CTNNA3: variants seen among roughly 807,000 people sequenced by gnomAD.
The protein encoded by CTNNA3 is catenin alpha-3.
In CTNNA3, 76 loss-of-function variants were observed where a neutral mutation model predicts 95.7. The ratio of observed to expected loss-of-function variants is 0.79; its 90% CI spans 0.66 to 0.96. CTNNA3 has a LOEUF of 0.96. Among genes scored for constraint, CTNNA3 ranks in the 40% least tolerant of loss-of-function variants. The pLI, the probability that CTNNA3 is intolerant of heterozygous loss-of-function variation, is 0.00. For synonymous variants in CTNNA3, 431 were observed against 374.4 expected (o/e 1.15, Z -1.74); for missense variants, 1,191 against 1,089.8 (o/e 1.09, Z -1.31).
chr10:66,988,635 A>G (rs1393083114), intron 7 of CTNNA3, among the ~76,000 whole-genome samples: 1 of 152,126 alleles, frequency 6.6e-6, no homozygotes, highest in Non-Finnish European at 1.5e-5. Context: ...ATGTTATGTC[A>G]GTGCTTCTGA....
At chr10:67,098,307 A>C (rs1052806988) in intron 7 of CTNNA3, 3 of 154,060 alleles carry the variant, frequency 1.9e-5, no homozygotes, top group Admixed American at 6.5e-5. Flanking sequence ...CTTGACTCTA[A>C]AATTCTGTGC....
chr10:66,776,519 C>A (rs1478365834), intron 7 of CTNNA3, among the ~76,000 whole-genome samples: 1 of 152,170 alleles, frequency 6.6e-6, no homozygotes, highest in Non-Finnish European at 1.5e-5. Flanking sequence ...CTGCAGTGGA[C>A]TCCCTAACAA....
intron 1 of CTNNA3, among the ~76,000 whole-genome samples, chr10:67,739,965 G>C (rs905480731): frequency 3.3e-5 from 5 of 152,072 alleles, no homozygotes; most frequent in Non-Finnish European, 5.9e-5. Flanking sequence ...CAGAGATATA[G>C]ATCAATGGAA....
chr10:67,053,320 G>A (rs528382668), intron 7 of CTNNA3, among the ~76,000 whole-genome samples: 1 of 152,036 alleles, frequency 6.6e-6, no homozygotes, highest in Admixed American at 6.5e-5. Context: ...GGACATTACT[G>A]GAAAAATCTG....
At chr10:66,429,956 A>T (rs10466004) in intron 11 of CTNNA3, among the ~76,000 whole-genome samples, 51,819 of 143,068 alleles carry the variant, frequency 0.36, 9,918 homozygotes, top group African/African-American at 0.48. Flanking sequence ...AAAGAGGAAG[A>T]CAAATTGTCC....
At chr10:67,110,599 T>A (rs1486583240) in intron 7 of CTNNA3, among the ~76,000 whole-genome samples, 1 of 152,138 alleles carries the variant, frequency 6.6e-6, no homozygotes, top group East Asian at 1.9e-4. Context: ...AATACAAGCC[T>A]TAGATGATCT....
intron 2 of CTNNA3, among the ~76,000 whole-genome samples, chr10:67,610,378 G>A (rs1028801863): frequency 1.3e-5 from 2 of 152,188 alleles, no homozygotes; most frequent in African/African-American, 4.8e-5. Context: ...TAAGTTGTTT[G>A]TACCTACGTC....
At chr10:65,937,765 G>A (rs1035117543) in intron 17 of CTNNA3, among the ~76,000 whole-genome samples, 2 of 152,110 alleles carry the variant, frequency 1.3e-5, no homozygotes, top group Non-Finnish European at 2.9e-5. Context: ...GTACTTGATT[G>A]TTGGCTCACA....
intron 15 of CTNNA3, among the ~76,000 whole-genome samples, chr10:66,022,317 T>C (rs1371124368): frequency 1.3e-5 from 2 of 152,188 alleles, no homozygotes; most frequent in Admixed American, 1.3e-4. Flanking sequence ...ACAAAAGTTA[T>C]ATTTCAAAAA....
intron 5 of CTNNA3, among the ~76,000 whole-genome samples, chr10:67,488,151 G>C (rs1848518446): frequency 6.6e-6 from 1 of 152,120 alleles, no homozygotes; most frequent in Non-Finnish European, 1.5e-5. Flanking sequence ...CAGACTGTTT[G>C]GGGAGGAGAG....
chr10:67,674,777 T>G (rs963699358), intron 1 of CTNNA3, among the ~76,000 whole-genome samples: 6 of 152,144 alleles, frequency 3.9e-5, no homozygotes, highest in African/African-American at 1.4e-4. Context: ...TTCACCTGTT[T>G]TTCTCCTAGG....
chr10:66,978,534 A>AAAAAAAATAAAATAAAAATAAAAAAAAT (rs1405434933), intron 7 of CTNNA3, among the ~76,000 whole-genome samples: 1 of 93,700 alleles, frequency 1.1e-5, no homozygotes, highest in Non-Finnish European at 2.2e-5. Context: ...CTCAAAAAAA[A>AAAAAAAATAAAATAAAAATAAAAAAAAT]AAAAAAAAAA....
Position 66,516,794 on chromosome 10 carries a change from C to G in CTNNA3, c.1531+3823G>C, listed in dbSNP as rs374003113. Among the ~76,000 whole-genome samples the G allele has an allele frequency of 3.7e-4, 56 of 152,292 alleles. 1 individual carries two copies. In the South Asian group the frequency reaches 0.011, roughly 31 times the overall value. On this transcript the variant is annotated intron_variant, in intron 11 of 17. Transcript: ENST00000433211. The stretch of plus-strand genomic sequence containing the variant: ...ATGAAAATCATCTGGGAAAGACTTT[C>G]TTCTCTAAAGTTAAAGCTGCAAGCC...
chr10:67,647,359 C>G (rs1006512797), intron 2 of CTNNA3, 56 bp downstream of exon 2: 2 of 1,199,444 alleles, frequency 1.7e-6, no homozygotes, highest in Non-Finnish European at 2.4e-6. Flanking sequence ...ATTTTTCCCA[C>G]ATATTTTTCA....
chr10:67,126,234 G>C (rs1859714575), intron 7 of CTNNA3, among the ~76,000 whole-genome samples: 1 of 152,110 alleles, frequency 6.6e-6, no homozygotes, highest in Non-Finnish European at 1.5e-5. Flanking sequence ...TTATTTATAA[G>C]AATACAAAAT....
upstream of CTNNA3, among the ~76,000 whole-genome samples, chr10:67,697,838 C>T (rs1840996644): frequency 6.6e-6 from 1 of 152,142 alleles, no homozygotes; most frequent in African/African-American, 2.4e-5. Flanking sequence ...AAGAGGTCCC[C>T]TCCTAGCAAT....
chr10:67,554,786 T>G (rs1378132690), intron 3 of CTNNA3, among the ~76,000 whole-genome samples: 1 of 152,212 alleles, frequency 6.6e-6, no homozygotes, highest in South Asian at 2.1e-4. Context: ...ATTTTGGCTT[T>G]TGTTGCCATT....
intron 8 of CTNNA3, among the ~76,000 whole-genome samples, chr10:66,773,123 G>A (rs1360413118): frequency 6.6e-6 from 1 of 152,072 alleles, no homozygotes; most frequent in African/African-American, 2.4e-5. Flanking sequence ...AAGTACTAGG[G>A]GGAGGGTAAG....
intron 9 of CTNNA3, among the ~76,000 whole-genome samples, chr10:66,751,537 A>T (rs74141668): frequency 0.093 from 14,225 of 152,180 alleles, 1,176 homozygotes; most frequent in African/African-American, 0.22. Flanking sequence ...GTCCCAATAA[A>T]TGAATAGGTG....
Sources: gnomAD v4.1 joint callset for allele counts (sites outside exome capture counted in the v4.1 genomes callset) on GRCh38, gnomAD v4.1.1 for gene constraint, MANE v1.5 for transcripts, NCBI Gene and HGNC (gene_info 2026-07-23, HGNC 2026-07-21) for gene names.